Variants in PLEC observed in about 807,000 individuals in gnomAD.
The protein encoded by PLEC is hemidesmosomal protein 1.
In PLEC, 216 loss-of-function variants were observed where a neutral mutation model predicts 392.8. The ratio of observed to expected loss-of-function variants is 0.55; its 90% confidence interval spans 0.49 to 0.62. The LOEUF (loss-of-function observed/expected upper bound fraction) is 0.62, where lower values mean the gene tolerates loss of function less well. Among genes scored for constraint, PLEC ranks in the 20% least tolerant of loss-of-function variants. PLEC has a pLI of 0.00. For missense variants in PLEC, 6,863 were observed against 6,563.4 expected (o/e 1.05, Z -1.58); for synonymous variants, 3,621 against 2,980.6 (o/e 1.21, Z -7.00).
rs774270631 is a variant in PLEC, at chr8:143,924,598, C to G, written c.5331G>C (p.Glu1777Asp). 200 of 1,547,636 alleles carry G rather than the reference C, an allele frequency of 1.3e-4. No homozygotes were observed. The highest frequency in any genetic ancestry group is 1.6e-4 in the Non-Finnish European group (190 of 1,153,528). ...TGGACTTCTCGCTGGTGGAGCGCGA[C>G]TCCTCCTCAGCCCTCGCCTTGCTGG... ...LLASKARAEEESRSTSEKSKQ... is the reference protein window; with the variant it reads ...LLASKARAEEDSRSTSEKSKQ... Residue 1777 changes from glutamate to aspartate, a missense_variant, in exon 31 of 32, where the codon GAG becomes GAC. Transcript: ENST00000345136.
At chr8:143,956,614 G>C (rs968372989), upstream of PLEC, among the ~76,000 whole-genome samples, 1 of 152,156 alleles carries the variant, frequency 6.6e-6, no homozygotes, top group African/African-American at 2.4e-5. Flanking sequence ...GAGAAGGTGA[G>C]GGCACACAGC....
rs185045980 is a variant in PLEC, at chr8:143,969,405, C to T, written c.70+3998G>A. 7.1e-3 allele frequency among the ~76,000 whole-genome samples: 1,087 copies of T among 152,328 alleles called. 22 individuals are homozygous for T. The highest frequency in any genetic ancestry group is 0.025 in the African/African-American group (1,042 of 41,570). ...AGCTCTGGGCACCCTATGGGAGAGG[C>T]CTCCGTGCTGAGGGCTGTGGGCTGG... On this transcript the variant is annotated intron_variant, in intron 1 of 31. Coordinates refer to the PLEC transcript ENST00000356346. This position sits in a 1 kb window ranked among gnomAD's most constrained non-coding sequence, Gnocchi z 5.1.
upstream of PLEC, among the ~76,000 whole-genome samples, chr8:143,958,383 C>T (rs1832707926): frequency 6.6e-6 from 1 of 152,180 alleles, no homozygotes; most frequent in South Asian, 2.1e-4. This position sits in a 1 kb window ranked among gnomAD's most constrained non-coding sequence, Gnocchi z 4.9. Flanking sequence ...TCCCCTGCAG[C>T]CCAGTACAAG....
chr8:143,928,359 G>T, intron 25 of PLEC, among the ~76,000 whole-genome samples: 1 of 152,276 alleles, frequency 6.6e-6, no homozygotes, highest in East Asian at 1.9e-4. Flanking sequence ...CTGGGCGAAG[G>T]GGACACCGGG....
rs782527676 is a variant in PLEC at position 143,930,468 on chromosome 8, G to C, written c.2373C>G (p.Val791=). 4 of 1,589,308 alleles carry C rather than the reference G, an allele frequency of 2.5e-6. No homozygotes were observed. Among genetic ancestry groups the C allele is most frequent in the Non-Finnish European group, 3.4e-6 (4 of 1,168,494 alleles). Residue 791 remains valine (V), a synonymous_variant, in exon 20 of 32, where the codon GTC becomes GTG. Transcript: ENST00000345136. ...LSGLAKRAKA[V]VQLKPRHPAH... ...CTGGGTGGCGGGGCTTCAGCTGCAC[G>C]ACGGCCTTGGCCCGCTTGGCCAGGC...
chr8:143,924,117 CCGCCTTCTCGAAGCT>C lies in PLEC; in HGVS notation c.5797_5811del (p.Ser1933_Ala1937del). On this transcript the variant is annotated inframe_deletion, in exon 31 of 32. Coordinates refer to ENST00000345136, the MANE Select transcript of PLEC (RefSeq NM_201384.3). ...AGCTCCAGCTCCGCCTTGCCAGCGG[CCGCCTTCTCGAAGCT>C]CGCCTTCAGCGCCAGGATCTCCTCC... is the stretch of plus-strand genomic sequence containing the variant. The C allele has an allele frequency of 6.3e-7, 1 of 1,598,794 alleles. No individual in the cohort carries two copies. The highest frequency in any genetic ancestry group is 1.3e-5 in the African/African-American group (1 of 75,000).
upstream of PLEC, chr8:143,953,696 C>T: frequency 6.2e-7 from 1 of 1,604,768 alleles, no homozygotes; most frequent in Non-Finnish European, 8.5e-7. Flanking sequence ...GTCCGCGCCC[C>T]CCGGCTCGGG....
chr8:143,953,626 G>T, upstream of PLEC: 1 of 1,279,316 alleles, frequency 7.8e-7, no homozygotes, highest in Non-Finnish European at 1.1e-6. Flanking sequence ...GTCACCCCAG[G>T]GATGGCAGAC....
At chr8:143,941,953 C>T (rs945702137), upstream of PLEC, among the ~76,000 whole-genome samples, 1 of 152,178 alleles carries the variant, frequency 6.6e-6, no homozygotes, top group Non-Finnish European at 1.5e-5. Context: ...AGGTGTGGAC[C>T]CTATGGCTGA....
chr8:143,950,287 G>A, exon 1 of PLEC: 1 of 1,570,950 alleles, frequency 6.4e-7, no homozygotes, highest in East Asian at 2.3e-5. Flanking sequence ...CCTTCCGACG[G>A]TAGACCCGCT....
At chr8:143,935,459 C>A (rs1828789488) in intron 6 of PLEC, 146 bp from the exon 7 acceptor site, 6 of 702,508 alleles carry the variant, frequency 8.5e-6, no homozygotes, top group Non-Finnish European at 1.5e-5. Context: ...GTCACATGGG[C>A]AGAGCTGAGA....
chr8:143,921,035 TTGA>T lies in PLEC; in HGVS notation c.8783_8785del (p.Ile2928del). ...CTGCTCTGCCGTGAAGTATTCCGAG[TTGA>T]TGATCTCCCAAATGGTCACCGTCTT... On this transcript the variant is annotated inframe_deletion, in exon 32 of 32. Coordinates refer to ENST00000345136, the MANE Select transcript of PLEC (RefSeq NM_201384.3). 2 of 1,612,852 alleles carry T rather than the reference TTGA, an allele frequency of 1.2e-6. No individual in the cohort carries two copies. The highest frequency in any genetic ancestry group is 1.7e-6 in the Non-Finnish European group (2 of 1,180,010).
Position 143,922,851 on chromosome 8 carries a change from C to T in PLEC, c.7078G>A (p.Glu2360Lys). 6.3e-7 allele frequency: 1 copy of T among 1,579,646 alleles called. No individual in the cohort carries two copies. Among genetic ancestry groups the T allele is most frequent in the Non-Finnish European group, 8.6e-7 (1 of 1,164,612 alleles). ...AGCGTCCGCTGGAAGCCCTGCGTCT[C>T]CTCCGCCAGCTGCTGCGCCATCTGC... ...KEQMAQQLAE[E>K]TQGFQRTLEA... Residue 2360 changes from glutamate to lysine, a missense_variant, in exon 31 of 32, where the codon GAG becomes AAG. Transcript: ENST00000345136.
At chr8:143,962,099 A>G (rs942685350) in intron 1 of PLEC, among the ~76,000 whole-genome samples, 18 of 152,216 alleles carry the variant, frequency 1.2e-4, no homozygotes, top group African/African-American at 2.4e-5. Context: ...ATCTATGTCC[A>G]TGTCCCTGGA....
chr8:143,925,532 C>T lies in PLEC; in HGVS notation c.4397G>A (p.Arg1466His), dbSNP rs367724538. The T allele has an allele frequency of 3.8e-5, 60 of 1,595,102 alleles. No homozygotes were observed. The highest frequency in any genetic ancestry group is 2.7e-4 in the Admixed American group (16 of 59,796). The stretch of plus-strand genomic sequence containing the variant: ...CTCCCCCTCAGCCCCGCCACGCTGG[C>T]GCTCGGTGGCCTCCAACTGCAGGCG... ...VVRLQLEATERQRGGAEGELQ... is the reference protein window; with the variant it reads ...VVRLQLEATEHQRGGAEGELQ... Residue 1466 changes from arginine (R) to histidine (H), a missense_variant, in exon 31 of 32, where the codon CGC becomes CAC. By Grantham distance (29) the Arg-to-His change is conservative. Transcript: ENST00000345136.
At chr8:143,945,040 G>A (rs760137930) in intron 1 of PLEC, among the ~76,000 whole-genome samples, 16 of 152,142 alleles carry the variant, frequency 1.1e-4, no homozygotes, top group Non-Finnish European at 1.5e-4. Context: ...CGTCCCTGCA[G>A]GAGGCGGTGC....
exon 1 of PLEC, chr8:143,950,384 A>G: frequency 6.2e-7 from 1 of 1,600,644 alleles, no homozygotes; most frequent in Non-Finnish European, 8.5e-7. Context: ...GCGTGCGGGC[A>G]TCACCATGGC....
Position 143,925,132 on chromosome 8 carries a change from TTCC to T in PLEC, c.4794_4796del (p.Glu1599del), listed in dbSNP as rs1824537663. ...CCCGCAGCTGTGCCACAGCCACGTGTTCCTCCTGCAGGGAGCGCTCCAGCTGTG... is the reference window on the plus strand; with the variant it reads ...CCCGCAGCTGTGCCACAGCCACGTGTTCCTGCAGGGAGCGCTCCAGCTGTG... On this transcript the variant is annotated inframe_deletion, in exon 31 of 32. Transcript: ENST00000345136. 7 of 1,558,012 alleles carry T rather than the reference TTCC, an allele frequency of 4.5e-6. No individual in the cohort carries two copies. The highest frequency in any genetic ancestry group is 4.3e-6 in the Non-Finnish European group (5 of 1,160,212).
Position 143,936,964 on chromosome 8 carries a change from G to C in PLEC, c.435+15C>G. On this transcript the variant is annotated intron_variant, in intron 5 of 31. Coordinates refer to ENST00000345136, the MANE Select transcript of PLEC (RefSeq NM_201384.3). ...CTCCTGCAGGGGGTGGGGGTCCTGG[G>C]GGCAGCCGTTCTACCTGGAAGTGCA... 6.2e-7 allele frequency: 1 copy of C among 1,600,560 alleles called. No homozygotes were observed. Among genetic ancestry groups the C allele is most frequent in the Non-Finnish European group, 8.6e-7 (1 of 1,168,908 alleles).
Sources: gnomAD v4.1 joint callset for allele counts (sites outside exome capture counted in the v4.1 genomes callset) on GRCh38, gnomAD v4.1.1 for gene constraint, Gnocchi (gnomAD v3.1) non-coding constraint, MANE v1.5 for transcripts, NCBI Gene and HGNC (gene_info 2026-07-23, HGNC 2026-07-21) for gene names.